KCNIP4: variants seen among roughly 807,000 people sequenced by gnomAD.
The protein encoded by KCNIP4 is Kv channel-interacting protein 4.
A neutral mutation model predicts 34.0 loss-of-function variants in KCNIP4; 12 were observed. The ratio of observed to expected loss-of-function variants is 0.35; its 90% CI spans 0.23 to 0.57. The LOEUF is 0.57. KCNIP4 is among the 20% of genes least tolerant of loss of function. KCNIP4 has a pLI of 0.83. For missense variants in KCNIP4, 238 were observed against 311.7 expected, an observed-to-expected ratio of 0.76 and a Z score of 1.78; for synonymous variants, 124 against 102.2, an observed-to-expected ratio of 1.21 and a Z score of -1.29.
chr4:21,942,001 A>G (rs1274753182), intron 1 of KCNIP4, among the ~76,000 whole-genome samples: 2 of 152,186 alleles, frequency 1.3e-5, no homozygotes, highest in South Asian at 2.1e-4. Flanking sequence ...ACTGGGCAAG[A>G]AGAGGAGATA....
chr4:21,106,055 CTCT>C (rs1270429940), intron 1 of KCNIP4, among the ~76,000 whole-genome samples: 2 of 151,534 alleles, frequency 1.3e-5, no homozygotes, highest in Non-Finnish European at 2.9e-5. Flanking sequence ...GTCTAAAATT[CTCT>C]TTTTTGGTTG....
chr4:21,568,737 G>T (rs1369093679), intron 1 of KCNIP4, among the ~76,000 whole-genome samples: 1 of 152,044 alleles, frequency 6.6e-6, no homozygotes, highest in East Asian at 1.9e-4. Flanking sequence ...TGCACTATGG[G>T]CTTCCCAACT....
intron 3 of KCNIP4, among the ~76,000 whole-genome samples, chr4:20,845,355 A>G (rs936186549): frequency 2.6e-5 from 4 of 152,242 alleles, no homozygotes; most frequent in African/African-American, 9.6e-5. Flanking sequence ...TGATCAATCA[A>G]CCTAGTGACA....
At chr4:21,453,090 G>T (rs1008431548) in intron 1 of KCNIP4, among the ~76,000 whole-genome samples, 2 of 151,924 alleles carry the variant, frequency 1.3e-5, no homozygotes, top group Non-Finnish European at 2.9e-5. Context: ...CAAAGAAAAG[G>T]TCCCCTTGTT....
In KCNIP4 at chr4:20,870,588, G is replaced by C. The variant is rs192999364; in HGVS notation, c.163+12020C>G. Among the ~76,000 whole-genome samples the C allele has an allele frequency of 1.6e-3, 241 of 152,198 alleles. 1 individual carries two copies. The highest frequency in any genetic ancestry group is 5.6e-3 in the African/African-American group (233 of 41,542). On this transcript the variant is annotated intron_variant, in intron 2 of 8. Coordinates refer to ENST00000382152, the MANE Select transcript of KCNIP4 (RefSeq NM_025221.6). The stretch of plus-strand genomic sequence containing the variant: ...AAATTGTACCCAGCTGCTTCATTTT[G>C]CAGGCACTTCTTGCTGTTGAATTGC...
rs1015862832 is a variant in KCNIP4 at position 21,509,155 on chromosome 4, A to G, written c.61+439416T>C. On this transcript the variant is annotated intron_variant, in intron 1 of 8. Coordinates refer to ENST00000382152, the MANE Select transcript of KCNIP4 (RefSeq NM_025221.6). ...ACTCATAAGTAAATTCAAAGGTGAG[A>G]TTTCTATGAAAACTGGGAAGGAATA... Among the ~76,000 whole-genome samples, 4 of 152,168 alleles carry G rather than the reference A, an allele frequency of 2.6e-5. No homozygotes were observed. In the South Asian group the frequency reaches 8.3e-4, roughly 32 times the overall value.
chr4:21,672,405 C>T (rs1241720997), intron 1 of KCNIP4, among the ~76,000 whole-genome samples: 1 of 151,150 alleles, frequency 6.6e-6, no homozygotes, highest in African/African-American at 2.5e-5. Context: ...TTCCTGACTT[C>T]TGTCAATTTT....
At chr4:21,113,452 GTTT>G (rs1749404708) in intron 1 of KCNIP4, among the ~76,000 whole-genome samples, 5 of 99,300 alleles carry the variant, frequency 5.0e-5, no homozygotes, top group African/African-American at 1.1e-4. Context: ...CTATCTATAA[GTTT>G]AAAAAAAAAA....
At chr4:21,371,011 G>T (rs1440641769) in intron 1 of KCNIP4, among the ~76,000 whole-genome samples, 1 of 139,788 alleles carries the variant, frequency 7.2e-6, no homozygotes, top group Admixed American at 6.9e-5. Context: ...CACAAATATG[G>T]TTGATGTATG....
At chr4:20,816,202 C>T (rs570361766) in intron 3 of KCNIP4, among the ~76,000 whole-genome samples, 5 of 149,410 alleles carry the variant, frequency 3.3e-5, no homozygotes, top group South Asian at 2.1e-4. Flanking sequence ...TCCAGTGATC[C>T]GAGATTGCAC....
At chr4:20,975,348 T>C (rs1897908) in intron 1 of KCNIP4, among the ~76,000 whole-genome samples, 20,423 of 152,154 alleles carry the variant, frequency 0.13, 1,392 homozygotes, top group African/African-American at 0.14. Context: ...AACAAATCTA[T>C]GAAATAAGAG....
chr4:21,390,883 T>C (rs1015881623), intron 1 of KCNIP4, among the ~76,000 whole-genome samples: 1 of 152,172 alleles, frequency 6.6e-6, no homozygotes, highest in African/African-American at 2.4e-5. Flanking sequence ...TTTGAGGAAC[T>C]GTCAGATATT....
chr4:21,101,095 T>C (rs111830425), intron 1 of KCNIP4, among the ~76,000 whole-genome samples: 2,579 of 152,262 alleles, frequency 0.017, 77 homozygotes, highest in African/African-American at 0.057. Flanking sequence ...AAGTAATTTT[T>C]CAACCCTCAT....
At chr4:21,350,645 C>T (rs1047601471) in intron 1 of KCNIP4, among the ~76,000 whole-genome samples, 18 of 152,304 alleles carry the variant, frequency 1.2e-4, no homozygotes, top group African/African-American at 4.1e-4. Context: ...AGGAGGACAA[C>T]CTTGCCCAGT....
intron 1 of KCNIP4, among the ~76,000 whole-genome samples, chr4:21,738,888 G>A (rs1449287518): frequency 1.3e-5 from 2 of 152,218 alleles, no homozygotes; most frequent in East Asian, 3.9e-4. Flanking sequence ...TAAACAAAAA[G>A]GGAAGAAGAG....
At chr4:21,832,613 A>G (rs1257004983) in intron 1 of KCNIP4, among the ~76,000 whole-genome samples, 1 of 147,694 alleles carries the variant, frequency 6.8e-6, no homozygotes, top group Admixed American at 6.8e-5. Context: ...TCATACTTTT[A>G]AGTTTTAGGG....
intron 1 of KCNIP4, among the ~76,000 whole-genome samples, chr4:21,926,630 A>G (rs1011521302): frequency 5.3e-5 from 8 of 152,180 alleles, no homozygotes; most frequent in Admixed American, 4.6e-4. Context: ...AGGAAGAACA[A>G]ATCAAGCAAT....
chr4:21,873,986 C>G (rs554488539), intron 1 of KCNIP4, among the ~76,000 whole-genome samples: 146 of 152,310 alleles, frequency 9.6e-4, no homozygotes, highest in Middle Eastern at 3.4e-3. Context: ...AGATAATTTG[C>G]TTGCTCTCTC....
chr4:20,743,744 G>A (rs1751735243), intron 5 of KCNIP4, among the ~76,000 whole-genome samples: 1 of 151,984 alleles, frequency 6.6e-6, no homozygotes, highest in Non-Finnish European at 1.5e-5. Flanking sequence ...CAAAAGCAAT[G>A]GCAACAAAAG....
Sources: gnomAD v4.1 joint callset for allele counts (sites outside exome capture counted in the v4.1 genomes callset) on GRCh38, gnomAD v4.1.1 for gene constraint, MANE v1.5 for transcripts, NCBI Gene and HGNC (gene_info 2026-07-23, HGNC 2026-07-21) for gene names.